PREX1: variants seen among roughly 807,000 people sequenced by gnomAD.
PREX1 encodes phosphatidylinositol 3,4,5-trisphosphate-dependent Rac exchanger 1 protein.
A neutral mutation model predicts 198.3 loss-of-function variants in PREX1; 41 were observed. That is an observed-to-expected ratio of 0.21 (90% CI 0.16 to 0.27). PREX1 has a LOEUF of 0.27. Ranked by LOEUF, PREX1 falls within the 10% of genes least tolerant of loss-of-function variation. The pLI, the probability that PREX1 is intolerant of heterozygous loss-of-function variation, is 1.00. For synonymous variants in PREX1, 843 were observed against 887.2 expected, an observed-to-expected ratio of 0.95 and a Z score of 0.89; for missense variants, 1,620 against 2,200.7, an observed-to-expected ratio of 0.74 and a Z score of 5.28.
intron 1 of PREX1, among the ~76,000 whole-genome samples, chr20:48,800,530 C>A (rs115598308): frequency 0.012 from 1,771 of 152,300 alleles, 28 homozygotes; most frequent in African/African-American, 0.041. Flanking sequence ...CAAAGCCTCA[C>A]CACACAGTGG....
intron 1 of PREX1, among the ~76,000 whole-genome samples, chr20:48,800,888 T>C (rs940925299): frequency 2.0e-5 from 3 of 151,896 alleles, no homozygotes; most frequent in Non-Finnish European, 4.4e-5. Flanking sequence ...ACTCTTAACC[T>C]CAAGCAATCC....
At chr20:48,700,066 C>T (rs2123066294) in intron 7 of PREX1, among the ~76,000 whole-genome samples, 1 of 152,334 alleles carries the variant, frequency 6.6e-6, no homozygotes, top group Admixed American at 6.5e-5. Context: ...ACACATGCAC[C>T]TGCCTCCATC....
chr20:48,844,422 T>C, the PREX1 span, among the ~76,000 whole-genome samples: 4 of 152,154 alleles, frequency 2.6e-5, no homozygotes, highest in Admixed American at 6.5e-5. Flanking sequence ...GGCCACCATA[T>C]GCTTCTGGAG....
intron 1 of PREX1, among the ~76,000 whole-genome samples, chr20:48,810,876 A>G (rs889877775): frequency 3.9e-5 from 6 of 152,108 alleles, no homozygotes; most frequent in African/African-American, 1.4e-4. Context: ...GACAAGAGCC[A>G]GACTCCTCCT....
chr20:48,807,956 A>G (rs769601151), intron 1 of PREX1, among the ~76,000 whole-genome samples: 1 of 152,110 alleles, frequency 6.6e-6, no homozygotes, highest in Non-Finnish European at 1.5e-5. Context: ...CCTTCCTCCC[A>G]AGCCCCTCCC....
rs1313529065 is a variant in PREX1 at position 48,700,937 on chromosome 20, T to C, written c.784-51A>G. On this transcript the variant is annotated intron_variant, in intron 6 of 39. Coordinates refer to ENST00000371941, the MANE Select transcript of PREX1 (RefSeq NM_020820.4). ...AATGAGCCAACCCAGGAACATCCCC[T>C]TCCTTTCCCAGAGACAGAACCTACT... is the stretch of plus-strand genomic sequence containing the variant. The C allele has an allele frequency of 1.9e-6, 3 of 1,609,994 alleles. 1 individual carries two copies. The highest frequency in any genetic ancestry group is 2.2e-5 in the South Asian group (2 of 90,972).
chr20:48,694,627 T>C (rs1318497074), intron 7 of PREX1, among the ~76,000 whole-genome samples: 2 of 152,230 alleles, frequency 1.3e-5, no homozygotes, highest in Admixed American at 6.5e-5. Context: ...GTGGGCTGTA[T>C]GCTCACCAAG....
At chr20:48,770,100 A>G (rs2122876208) in intron 1 of PREX1, among the ~76,000 whole-genome samples, 1 of 152,306 alleles carries the variant, frequency 6.6e-6, no homozygotes, top group East Asian at 1.9e-4. Context: ...TTACCAATTA[A>G]AAAGAACAAT....
the PREX1 span, among the ~76,000 whole-genome samples, chr20:48,837,709 C>T: frequency 1.3e-5 from 2 of 152,086 alleles, no homozygotes; most frequent in African/African-American, 4.8e-5. Flanking sequence ...GAAAAAATAA[C>T]TATTTGGTAC....
intron 11 of PREX1, among the ~76,000 whole-genome samples, chr20:48,680,118 G>A (rs2123016363): frequency 6.6e-6 from 1 of 152,324 alleles, no homozygotes; most frequent in African/African-American, 2.4e-5. Flanking sequence ...ACCAATGGAT[G>A]GGTGGGGACA....
chr20:48,822,546 A>G (rs1326200668), intron 1 of PREX1, among the ~76,000 whole-genome samples: 1 of 152,268 alleles, frequency 6.6e-6, no homozygotes, highest in Non-Finnish European at 1.5e-5. Flanking sequence ...AAATATTAGC[A>G]AATTGTTACC....
At chr20:48,626,730 T>C (rs888977740) in intron 39 of PREX1, among the ~76,000 whole-genome samples, 24 of 150,548 alleles carry the variant, frequency 1.6e-4, no homozygotes, top group African/African-American at 5.8e-4. Context: ...CGGCGCTCTG[T>C]GGTTACGTAA....
chr20:48,655,269 T>C, intron 19 of PREX1, 21 bp downstream of exon 19: 1 of 1,524,494 alleles, frequency 6.6e-7, no homozygotes, highest in Non-Finnish European at 9.0e-7. Context: ...CTTTCCCCTC[T>C]CTCCCAAGGC....
At chr20:48,745,421 A>C (rs1353030882) in intron 2 of PREX1, among the ~76,000 whole-genome samples, 1 of 152,260 alleles carries the variant, frequency 6.6e-6, no homozygotes, top group Non-Finnish European at 1.5e-5. Context: ...GTGAGATAGA[A>C]ACTATTGTTA....
At chr20:48,712,791 GC>G (rs2089938472) in intron 5 of PREX1, among the ~76,000 whole-genome samples, 1 of 152,184 alleles carries the variant, frequency 6.6e-6, no homozygotes, top group Non-Finnish European at 1.5e-5. Context: ...CTGCCTCCAG[GC>G]CTTTGGACTT....
intron 1 of PREX1, among the ~76,000 whole-genome samples, chr20:48,786,079 G>A (rs1053523230): frequency 2.6e-5 from 4 of 152,106 alleles, no homozygotes; most frequent in South Asian, 4.1e-4. Flanking sequence ...GGCTGGACCC[G>A]AGCATCTGAG....
chr20:48,654,791 C>G (rs2089529805), intron 19 of PREX1, among the ~76,000 whole-genome samples: 1 of 152,224 alleles, frequency 6.6e-6, no homozygotes, highest in African/African-American at 2.4e-5. Context: ...TATCATAGAC[C>G]TACTTGGTTC....
At chr20:48,690,837 T>C (rs766216497) in intron 9 of PREX1, 110 bp downstream of exon 9, 539 of 1,471,026 alleles carry the variant, frequency 3.7e-4, no homozygotes, top group Non-Finnish European at 4.8e-4. Context: ...CTTACAGCTC[T>C]GATCCTCCTG....
intron 6 of PREX1, among the ~76,000 whole-genome samples, chr20:48,704,886 C>A (rs193092428): frequency 3.9e-5 from 6 of 152,284 alleles, no homozygotes; most frequent in African/African-American, 1.4e-4. Context: ...TACACATTTC[C>A]TTTTTTATCA....
Sources: allele counts gnomAD v4.1 joint callset (sites outside exome capture counted in the v4.1 genomes callset), GRCh38; gene constraint gnomAD v4.1.1; transcripts MANE v1.5; gene names NCBI Gene and HGNC (gene_info 2026-07-23, HGNC 2026-07-21).